Variants in ARHGAP8 observed in about 807,000 individuals in gnomAD.
The protein encoded by ARHGAP8 is rho GTPase-activating protein 8.
A neutral mutation model predicts 46.1 loss-of-function variants in ARHGAP8; 62 were observed. The observed-to-expected ratio is 1.34, with a 90% CI of 1.10 to 1.66. The LOEUF (loss-of-function observed/expected upper bound fraction) is 1.66. Ranked by LOEUF, ARHGAP8 falls within the 40% of genes most tolerant of loss-of-function variation. The pLI is 0.00. For synonymous variants in ARHGAP8, 375 were observed against 243.1 expected (o/e 1.54, Z -5.05); for missense variants, 923 against 568.4 (o/e 1.62, Z -6.34).
At chr22:44,785,412 C>CT (rs1009872021) in intron 1 of ARHGAP8, among the ~76,000 whole-genome samples, 3 of 152,216 alleles carry the variant, frequency 2.0e-5, no homozygotes, top group East Asian at 1.9e-4. Context: ...AGGGGAGGGT[C>CT]TTTTTTGCAT....
chr22:44,858,884 A>G (rs1277620799), intron 10 of ARHGAP8, among the ~76,000 whole-genome samples: 1 of 151,510 alleles, frequency 6.6e-6, no homozygotes, highest in Non-Finnish European at 1.5e-5. Context: ...TTTTCTGTAA[A>G]AGGCCAGATA....
At chr22:44,795,409 C>G (rs973277064) in intron 2 of ARHGAP8, among the ~76,000 whole-genome samples, 2 of 152,186 alleles carry the variant, frequency 1.3e-5, no homozygotes, top group East Asian at 3.9e-4. Context: ...GCTGGCTGAA[C>G]TGAGTCCAAG....
At chr22:44,788,097 G>A (rs12167752) in intron 2 of ARHGAP8, among the ~76,000 whole-genome samples, 5 of 49,520 alleles carry the variant, frequency 1.0e-4, no homozygotes, top group Non-Finnish European at 1.1e-4. Context: ...TTTATTATAT[G>A]TTATTATTAT....
At chr22:44,830,975 A>G (rs774678416) in intron 7 of ARHGAP8, among the ~76,000 whole-genome samples, 28 of 152,050 alleles carry the variant, frequency 1.8e-4, no homozygotes, top group Non-Finnish European at 1.2e-4. Context: ...CCTTCTTTGG[A>G]AAAATGTATA....
At chr22:44,805,031 C>T (rs1401522665) in intron 3 of ARHGAP8, among the ~76,000 whole-genome samples, 1 of 152,124 alleles carries the variant, frequency 6.6e-6, no homozygotes, top group African/African-American at 2.4e-5. Context: ...AGTGAGGAGC[C>T]GATGCCAGCC....
chr22:44,756,354 G>C (rs1924671179), intron 1 of ARHGAP8, among the ~76,000 whole-genome samples: 1 of 152,120 alleles, frequency 6.6e-6, no homozygotes, highest in African/African-American at 2.4e-5. Flanking sequence ...GCTCCCTGAA[G>C]GTACCTCTGA....
At chr22:44,817,283 C>T (rs1929821352) in intron 5 of ARHGAP8, among the ~76,000 whole-genome samples, 1 of 152,232 alleles carries the variant, frequency 6.6e-6, no homozygotes. Context: ...AGACTTGAGT[C>T]AGCTCCTGCT....
chr22:44,834,912 A>G (rs980213666), intron 7 of ARHGAP8, among the ~76,000 whole-genome samples: 1 of 152,162 alleles, frequency 6.6e-6, no homozygotes, highest in African/African-American at 2.4e-5. Flanking sequence ...GGATATTAAT[A>G]TAGCCATTAT....
intron 7 of ARHGAP8, among the ~76,000 whole-genome samples, chr22:44,827,621 G>A (rs1930631774): frequency 6.6e-6 from 1 of 152,118 alleles, no homozygotes; most frequent in Non-Finnish European, 1.5e-5. Flanking sequence ...AGGATTACAG[G>A]TGTGAGCCAC....
intron 2 of ARHGAP8, among the ~76,000 whole-genome samples, chr22:44,797,955 G>C (rs904404066): frequency 1.3e-5 from 2 of 151,400 alleles, no homozygotes; most frequent in Non-Finnish European, 2.9e-5. Flanking sequence ...TTACAGGCGT[G>C]AGCCACCGCA....
intron 1 of ARHGAP8, among the ~76,000 whole-genome samples, chr22:44,777,682 GTTTTA>G (rs940067413): frequency 1.3e-5 from 2 of 151,364 alleles, no homozygotes; most frequent in Non-Finnish European, 2.9e-5. Context: ...TGATTGTTTT[GTTTTA>G]TTTTATTTAG....
chr22:44,763,489 C>CT (rs1264668615), intron 1 of ARHGAP8, among the ~76,000 whole-genome samples: 1 of 70,414 alleles, frequency 1.4e-5, no homozygotes, highest in Non-Finnish European at 2.5e-5. Flanking sequence ...GAGACTCTGT[C>CT]TCAAAAAAAA....
intron 2 of ARHGAP8, among the ~76,000 whole-genome samples, chr22:44,791,284 G>A (rs1388212861): frequency 2.0e-5 from 3 of 152,178 alleles, no homozygotes; most frequent in African/African-American, 7.2e-5. Flanking sequence ...AGTATATGAA[G>A]TTGTCAGAGT....
chr22:44,845,440 G>A (rs1243497182), intron 8 of ARHGAP8, 98 bp downstream of exon 8: 85 of 1,534,350 alleles, frequency 5.5e-5, no homozygotes, highest in Non-Finnish European at 7.3e-5. Context: ...AAGCCAGGGG[G>A]TGTGACCAGG....
chr22:44,861,377 C>A (rs1180494908), intron 11 of ARHGAP8, among the ~76,000 whole-genome samples: 2 of 152,198 alleles, frequency 1.3e-5, no homozygotes, highest in African/African-American at 4.8e-5. Flanking sequence ...TGTTATCACC[C>A]CAGTGGCACC....
intron 5 of ARHGAP8, among the ~76,000 whole-genome samples, chr22:44,818,705 C>CACTG (rs139607576): frequency 4.0e-5 from 6 of 151,792 alleles, no homozygotes; most frequent in Admixed American, 3.9e-4. Flanking sequence ...CCTTCCTTTT[C>CACTG]TCTTTTTTTT....
At chr22:44,852,890 C>T (rs1016876328) in intron 10 of ARHGAP8, among the ~76,000 whole-genome samples, 4 of 152,170 alleles carry the variant, frequency 2.6e-5, no homozygotes, top group Non-Finnish European at 4.4e-5. Context: ...GCAACCTCCA[C>T]CTCCCAGGTT....
chr22:44,756,886 G>T (rs132441), intron 1 of ARHGAP8, among the ~76,000 whole-genome samples: 61,399 of 151,576 alleles, frequency 0.41, 13,173 homozygotes, highest in South Asian at 0.63. Context: ...CCGCATTACT[G>T]CAATACTATT....
intron 7 of ARHGAP8, among the ~76,000 whole-genome samples, chr22:44,829,453 T>G (rs898048704): frequency 2.6e-5 from 4 of 152,178 alleles, no homozygotes; most frequent in African/African-American, 9.7e-5. Flanking sequence ...TCTGAGCAGG[T>G]GCCTTTCAGA....
Sources: gnomAD v4.1 joint callset for allele counts (sites outside exome capture counted in the v4.1 genomes callset) on GRCh38, gnomAD v4.1.1 for gene constraint, MANE v1.5 for transcripts, NCBI Gene and HGNC (gene_info 2026-07-23, HGNC 2026-07-21) for gene names.